IKZF2: variants seen among roughly 807,000 people sequenced by gnomAD.
The protein encoded by IKZF2 is zinc finger protein Helios.
In IKZF2, 15 loss-of-function variants were observed where a neutral mutation model predicts 49.2. The observed-to-expected ratio is 0.30, with a 90% confidence interval of 0.20 to 0.47. The LOEUF (loss-of-function observed/expected upper bound fraction) is 0.47, where lower values mean the gene tolerates loss of function less well. IKZF2 is among the 20% of genes least tolerant of loss of function. IKZF2 has a pLI of 1.00. For missense variants in IKZF2, 567 were observed against 664.6 expected (o/e 0.85, Z 1.61); for synonymous variants, 227 against 221.4 (o/e 1.03, Z -0.23).
intron 4 of IKZF2, chr2:213,081,295 G>A (rs988127971): frequency 1.3e-5 from 2 of 154,444 alleles, no homozygotes. Flanking sequence ...AGGTATGTAA[G>A]TATGTCATTA....
rs749627496 is a variant in IKZF2 at position 213,021,995 on chromosome 2, T to C, written c.710A>G (p.His237Arg). The C allele has an allele frequency of 1.1e-5, 17 of 1,607,854 alleles. No individual in the cohort carries two copies. The highest frequency in any genetic ancestry group is 3.4e-5 in the South Asian group (3 of 89,482). Residue 237 changes from histidine to arginine, a missense_variant and splice_region_variant, in exon 7 of 9, where the codon CAT becomes CGT. By Grantham distance (29) the His-to-Arg change is conservative. This residue lies in a region of IKZF2 where 310 missense variants were observed against 326.9 expected (regional missense o/e 0.95). Coordinates refer to ENST00000434687, the MANE Select transcript of IKZF2 (RefSeq NM_001387220.1). ...MEAAGQVMSH[H>R]VPPMEDCKEQ... ...TGATGAATCCAGTTTCTACCCACCATGGTGACTCATGACCTGCCCAGCAGC... is the reference window on the plus strand; with the variant it reads ...TGATGAATCCAGTTTCTACCCACCACGGTGACTCATGACCTGCCCAGCAGC...
chr2:213,112,878 G>T (rs959185093), intron 4 of IKZF2, among the ~76,000 whole-genome samples: 12 of 152,050 alleles, frequency 7.9e-5, no homozygotes, highest in South Asian at 6.2e-4. Flanking sequence ...CTACCTCATA[G>T]GGTTTTATTG....
chr2:213,150,904 GTTTT>G (rs199710880), intron 1 of IKZF2, among the ~76,000 whole-genome samples: 1 of 139,126 alleles, frequency 7.2e-6, no homozygotes, highest in South Asian at 2.3e-4. Flanking sequence ...AGGGTTTTTG[GTTTT>G]TTTTTTTTTT....
chr2:213,136,306 G>A (rs187328018), intron 4 of IKZF2, among the ~76,000 whole-genome samples: 43 of 145,192 alleles, frequency 3.0e-4, no homozygotes, highest in African/African-American at 8.6e-4. Context: ...GGGAGTGAAG[G>A]GTTGCAGTGA....
At chr2:213,077,625 T>C (rs1403066883) in intron 4 of IKZF2, among the ~76,000 whole-genome samples, 1 of 128,888 alleles carries the variant, frequency 7.8e-6, no homozygotes, top group African/African-American at 2.8e-5. Context: ...TCTTGCTCTC[T>C]CGCCCAGGCT....
intron 4 of IKZF2, among the ~76,000 whole-genome samples, chr2:213,111,888 G>A (rs2059715507): frequency 6.6e-6 from 1 of 152,122 alleles, no homozygotes; most frequent in Admixed American, 6.5e-5. Flanking sequence ...TTGCACTGCT[G>A]AAATAAATTT....
upstream of IKZF2, chr2:213,151,978 TCGCGCCCACCCG>T (rs966324943): frequency 1.5e-4 from 23 of 151,686 alleles, no homozygotes; most frequent in African/African-American, 1.2e-4. Flanking sequence ...GCGCACTCCC[TCGCGCCCACCCG>T]CGCGCCCGGC....
At chr2:213,018,442 A>G (rs1341574764) in intron 7 of IKZF2, among the ~76,000 whole-genome samples, 3 of 152,108 alleles carry the variant, frequency 2.0e-5, no homozygotes, top group African/African-American at 4.8e-5. Context: ...TATGTCTTCA[A>G]TATTTCACCT....
chr2:213,048,557 A>G (rs1379454760), intron 6 of IKZF2, among the ~76,000 whole-genome samples: 1 of 152,122 alleles, frequency 6.6e-6, no homozygotes, highest in Non-Finnish European at 1.5e-5. Context: ...TATAATTTTG[A>G]TAGCACAATT....
Position 213,147,356 on chromosome 2 carries a change from T to C in IKZF2, c.139+352A>G, listed in dbSNP as rs568077115. On this transcript the variant is annotated intron_variant, in intron 4 of 8. Coordinates refer to ENST00000434687, the MANE Select transcript of IKZF2 (RefSeq NM_001387220.1). ...ACATAAAATTATTTCATTTTTTAAC[T>C]GTGAAGAGTCCTTTGGAAGTGACGT... 4 of 465,500 alleles carry C rather than the reference T, an allele frequency of 8.6e-6. No individual in the cohort carries two copies. In the South Asian group the frequency reaches 1.9e-4, roughly 22 times the overall value. 28.8% of individuals were successfully genotyped at this position (465,500 alleles called of 1,614,324 possible). A position where few individuals can be genotyped will look rare whatever the true frequency, so the allele number is the denominator to read the frequency against.
At chr2:213,021,774 A>G in intron 7 of IKZF2, 1 of 598,444 alleles carries the variant, frequency 1.7e-6, no homozygotes, top group Non-Finnish European at 3.0e-6. Flanking sequence ...TGGTATATGA[A>G]AGGTTGGTTG....
intron 4 of IKZF2, among the ~76,000 whole-genome samples, chr2:213,076,780 G>A (rs987609078): frequency 1.3e-5 from 2 of 152,188 alleles, no homozygotes; most frequent in Non-Finnish European, 2.9e-5. Context: ...ATTAAGAAAT[G>A]AAAGTCCAGC....
At chr2:213,120,168 C>A (rs1367910336) in intron 4 of IKZF2, among the ~76,000 whole-genome samples, 2 of 152,184 alleles carry the variant, frequency 1.3e-5, no homozygotes. Flanking sequence ...TATAAGTACA[C>A]AGATGAACAA....
chr2:213,013,406 T>TAAA (rs5838363), intron 8 of IKZF2, among the ~76,000 whole-genome samples: 1 of 149,076 alleles, frequency 6.7e-6, no homozygotes, highest in African/African-American at 2.5e-5. Flanking sequence ...GTTAATAGGT[T>TAAA]AAAAAAAAAA....
In IKZF2 at chr2:213,040,312, C is replaced by G. The variant is rs544161614; in HGVS notation, c.574+9401G>C. On this transcript the variant is annotated intron_variant, in intron 6 of 8. Coordinates refer to ENST00000434687, the MANE Select transcript of IKZF2 (RefSeq NM_001387220.1). ...TAAGGCTAGCACCATTAGTTATTTT[C>G]TCCTGATTCTCTCCTTCGTCCCACC... is the stretch of plus-strand genomic sequence containing the variant. Among the ~76,000 whole-genome samples the G allele has an allele frequency of 3.0e-4, 44 of 147,032 alleles. No homozygotes were observed. The South Asian group carries it at 6.9e-3, about 23-fold the overall frequency.
intron 6 of IKZF2, among the ~76,000 whole-genome samples, chr2:213,038,828 G>C (rs1306851051): frequency 1.3e-5 from 2 of 152,168 alleles, no homozygotes; most frequent in African/African-American, 2.4e-5. Context: ...GAAACGATGT[G>C]ATTGTGATAA....
chr2:213,103,443 G>T (rs1243001845), intron 4 of IKZF2, among the ~76,000 whole-genome samples: 3 of 152,138 alleles, frequency 2.0e-5, no homozygotes, highest in Admixed American at 2.0e-4. Flanking sequence ...TGAACGAAAA[G>T]AAAGGCTTAA....
chr2:213,087,415 TAAAAAG>T (rs1704753903), intron 4 of IKZF2, among the ~76,000 whole-genome samples: 1 of 152,216 alleles, frequency 6.6e-6, no homozygotes, highest in African/African-American at 2.4e-5. Context: ...GCAACTCATT[TAAAAAG>T]AAAAAGTTGT....
At chr2:213,108,063 C>A (rs1015710581) in intron 4 of IKZF2, among the ~76,000 whole-genome samples, 2 of 152,024 alleles carry the variant, frequency 1.3e-5, no homozygotes, top group Non-Finnish European at 2.9e-5. Context: ...GGGAAAAAAA[C>A]GATTGAAATT....
Sources: gnomAD v4.1 joint callset for allele counts (sites outside exome capture counted in the v4.1 genomes callset) on GRCh38, gnomAD v4.1.1 for gene constraint, gnomAD v4.1.1 regional missense constraint, MANE v1.5 for transcripts, NCBI Gene and HGNC (gene_info 2026-07-23, HGNC 2026-07-21) for gene names.